Variants in HORMAD2 observed in about 807,000 individuals in gnomAD.
HORMAD2 encodes HORMA domain-containing protein 2.
HORMAD2 carries 45 observed loss-of-function variants against 38.8 expected under a neutral mutation model. That is an observed-to-expected ratio of 1.16 (90% CI 0.91 to 1.49). The LOEUF is 1.49. HORMAD2 is among the 40% of genes most tolerant of loss of function. The pLI, the probability that HORMAD2 is intolerant of heterozygous loss-of-function variation, is 0.00. For synonymous variants in HORMAD2, 126 were observed against 122.8 expected (o/e 1.03, Z -0.17); for missense variants, 338 against 367.0 (o/e 0.92, Z 0.65).
chr22:30,201,417 T>A, the HORMAD2 span, among the ~76,000 whole-genome samples: 11 of 147,884 alleles, frequency 7.4e-5, no homozygotes, highest in Middle Eastern at 3.5e-3. Flanking sequence ...TAAGACTTTT[T>A]TTTTTTTTTT....
Position 30,111,787 on chromosome 22 carries a change from C to G in HORMAD2, c.295-9C>G. 2 of 1,540,812 alleles carry G rather than the reference C, an allele frequency of 1.3e-6. No homozygotes were observed. The highest frequency in any genetic ancestry group is 1.8e-6 in the Non-Finnish European group (2 of 1,139,232). ...TAATAATAATAGTTTTTTTTTCTTT[C>G]TCTTGAAGCTACGTATGGCAGTACT... On this transcript the variant is annotated splice_polypyrimidine_tract_variant and intron_variant, in intron 5 of 10. Transcript: ENST00000336726.
At chr22:30,146,885 A>G (rs1318407577) in intron 10 of HORMAD2, among the ~76,000 whole-genome samples, 7 of 152,300 alleles carry the variant, frequency 4.6e-5, no homozygotes, top group Non-Finnish European at 1.0e-4. Context: ...AATTTATTGT[A>G]TTTCTCTATA....
the HORMAD2 span, among the ~76,000 whole-genome samples, chr22:30,206,742 T>A: frequency 6.6e-6 from 1 of 152,124 alleles, no homozygotes; most frequent in South Asian, 2.1e-4. Context: ...GTGCTGGGAT[T>A]ACAGGCATGA....
chr22:30,200,731 G>GTAGTATTATTAT, the HORMAD2 span, among the ~76,000 whole-genome samples: 1 of 141,544 alleles, frequency 7.1e-6, no homozygotes, highest in Non-Finnish European at 1.5e-5. Context: ...CAACAGAAAT[G>GTAGTATTATTAT]TATTATTATT....
At chr22:30,124,558 A>G (rs976154465) in intron 10 of HORMAD2, among the ~76,000 whole-genome samples, 1 of 152,128 alleles carries the variant, frequency 6.6e-6, no homozygotes, top group African/African-American at 2.4e-5. Flanking sequence ...TAGTTTTGCC[A>G]TGGATGAGTA....
chr22:30,178,540 T>C (rs1926574742), downstream of HORMAD2, among the ~76,000 whole-genome samples: 1 of 152,274 alleles, frequency 6.6e-6, no homozygotes, highest in African/African-American at 2.4e-5. Flanking sequence ...TATTGGAGTG[T>C]ATTCAGTTCT....
At chr22:30,103,315 G>T in intron 3 of HORMAD2, 122 bp from the exon 4 acceptor site, 1 of 629,060 alleles carries the variant, frequency 1.6e-6, no homozygotes, top group Non-Finnish European at 2.8e-6. Context: ...GTTTTTATAA[G>T]CTATAAAACT....
At chr22:30,148,236 C>T (rs1285539707) in intron 10 of HORMAD2, among the ~76,000 whole-genome samples, 2 of 152,030 alleles carry the variant, frequency 1.3e-5, no homozygotes, top group Non-Finnish European at 2.9e-5. Flanking sequence ...CACATCAACA[C>T]CTGTGAAAAG....
chr22:30,176,324 G>C lies in HORMAD2; in HGVS notation c.*157G>C, dbSNP rs1926457838. ...TCAGTTGCTAAGTGCTAAATTACTG[G>C]CCAGGTAGGACGCGAGTCCACTTTG... is the stretch of plus-strand genomic sequence containing the variant. On this transcript the variant is annotated 3_prime_UTR_variant, in exon 11 of 11. Coordinates refer to ENST00000336726, the MANE Select transcript of HORMAD2 (RefSeq NM_152510.4). 3.4e-6 allele frequency: 2 copies of C among 590,454 alleles called. No individual in the cohort carries two copies. The allele number at this position is 590,454 out of a possible 1,614,324, so 36.6% of individuals were successfully genotyped here. A position where few individuals can be genotyped will look rare whatever the true frequency, so the allele number is the denominator to read the frequency against.
intron 10 of HORMAD2, among the ~76,000 whole-genome samples, chr22:30,125,507 C>A (rs542767064): frequency 6.6e-6 from 1 of 152,046 alleles, no homozygotes; most frequent in South Asian, 2.1e-4. Context: ...GGATTACAGG[C>A]ATGAGCCACT....
intron 10 of HORMAD2, among the ~76,000 whole-genome samples, chr22:30,138,705 A>G (rs923045373): frequency 2.5e-4 from 38 of 152,120 alleles, no homozygotes; most frequent in African/African-American, 8.0e-4. Context: ...CATACTGTTC[A>G]TAATAGTATG....
intron 10 of HORMAD2, among the ~76,000 whole-genome samples, chr22:30,175,179 T>C (rs1926355233): frequency 6.9e-6 from 1 of 145,556 alleles, no homozygotes; most frequent in Non-Finnish European, 1.5e-5. Flanking sequence ...AACTCTACTA[T>C]ATATTCTCAC....
Position 30,132,320 on chromosome 22 carries a change from G to A in HORMAD2, c.819+10106G>A, listed in dbSNP as rs1923339688. Among the ~76,000 whole-genome samples the A allele has an allele frequency of 3.3e-5, 5 of 152,246 alleles. No individual in the cohort carries two copies. The South Asian group carries it at 8.3e-4, about 25-fold the overall frequency. ...CATCAGGCCAGGTGCAGTGGCTGAT[G>A]CCTATAATCCCAGCACTTTGGGAGG... is the stretch of plus-strand genomic sequence containing the variant. On this transcript the variant is annotated intron_variant, in intron 10 of 10. Transcript: ENST00000336726.
At chr22:30,153,923 G>A (rs1052848805) in intron 10 of HORMAD2, among the ~76,000 whole-genome samples, 3 of 152,142 alleles carry the variant, frequency 2.0e-5, no homozygotes, top group African/African-American at 7.2e-5. Context: ...TCTGGCCCAA[G>A]CAAACAGTAC....
At chr22:30,165,525 C>G (rs1209173247) in intron 10 of HORMAD2, among the ~76,000 whole-genome samples, 1 of 152,166 alleles carries the variant, frequency 6.6e-6, no homozygotes, top group Non-Finnish European at 1.5e-5. Context: ...TATTGTCTTT[C>G]AATCTATGAA....
intron 10 of HORMAD2, among the ~76,000 whole-genome samples, chr22:30,172,253 A>G (rs936144543): frequency 2.0e-5 from 3 of 152,194 alleles, no homozygotes; most frequent in African/African-American, 7.2e-5. Flanking sequence ...ATGGGGCAGG[A>G]ATTTTTATCT....
rs201800040 is a variant in HORMAD2, at chr22:30,130,990, G to GT, written c.819+8785dup. 3.8e-3 allele frequency among the ~76,000 whole-genome samples: 573 copies of GT among 150,672 alleles called. 9 individuals carry two copies. The highest frequency in any genetic ancestry group is 0.013 in the African/African-American group (543 of 41,044). On this transcript the variant is annotated intron_variant, in intron 10 of 10. Coordinates refer to ENST00000336726, the MANE Select transcript of HORMAD2 (RefSeq NM_152510.4). Reference sequence around the variant, plus strand: ...GCACTTCACATAACCCTGGGAAGTTGTTTTTTTTTCCCTGTCATAGACAAC... The same window carrying GT: ...GCACTTCACATAACCCTGGGAAGTTGTTTTTTTTTTCCCTGTCATAGACAAC...
At chr22:30,148,276 T>C (rs1009575803) in intron 10 of HORMAD2, among the ~76,000 whole-genome samples, 1 of 152,106 alleles carries the variant, frequency 6.6e-6, no homozygotes, top group Non-Finnish European at 1.5e-5. Context: ...AAAACTTAGA[T>C]GCAAAAGACT....
In HORMAD2 at chr22:30,095,886, C is replaced by A. The variant is rs529255452; in HGVS notation, c.51+1883C>A. Among the ~76,000 whole-genome samples the A allele has an allele frequency of 2.0e-5, 3 of 152,026 alleles. No individual in the cohort carries two copies. The East Asian group carries it at 5.8e-4, about 29-fold the overall frequency. On this transcript the variant is annotated intron_variant, in intron 2 of 10. Coordinates refer to ENST00000336726, the MANE Select transcript of HORMAD2 (RefSeq NM_152510.4). ...TTAACACATTGTTATAAGCCAGAAG[C>A]CAGATCAGAAACCAGAACACTACCA...
Sources: allele counts gnomAD v4.1 joint callset (sites outside exome capture counted in the v4.1 genomes callset), GRCh38; gene constraint gnomAD v4.1.1; transcripts MANE v1.5; gene names NCBI Gene and HGNC (gene_info 2026-07-23, HGNC 2026-07-21).